Variants in BBS9 observed in about 807,000 individuals in gnomAD.
The protein encoded by BBS9 is Bardet-Biedl syndrome 9, also known as protein PTHB1.
A neutral mutation model predicts 117.7 loss-of-function variants in BBS9; 89 were observed. The observed-to-expected ratio is 0.76, with a 90% CI of 0.64 to 0.90. BBS9 has a LOEUF of 0.90. Ranked by LOEUF, BBS9 falls within the 40% of genes least tolerant of loss-of-function variation. The pLI is 0.00. For synonymous variants in BBS9, 379 were observed against 370.9 expected (o/e 1.02, Z -0.25); for missense variants, 982 against 1,042.2 (o/e 0.94, Z 0.80).
intron 1 of BBS9, among the ~76,000 whole-genome samples, chr7:33,133,949 A>G (rs536469778): frequency 6.6e-6 from 1 of 152,184 alleles, no homozygotes; most frequent in Non-Finnish European, 1.5e-5. Context: ...ATTTCTTTAC[A>G]TCCTCACCAA....
At chr7:33,466,372 C>A (rs1334140616) in intron 19 of BBS9, among the ~76,000 whole-genome samples, 2 of 147,874 alleles carry the variant, frequency 1.4e-5, no homozygotes, top group African/African-American at 5.0e-5. Context: ...TTAGATTCTG[C>A]ATATATGTGA....
intron 9 of BBS9, among the ~76,000 whole-genome samples, chr7:33,306,350 C>G (rs1333036035): frequency 2.0e-5 from 3 of 151,972 alleles, no homozygotes; most frequent in South Asian, 2.1e-4. Context: ...TGAAGGCCAT[C>G]ATGCTACTGA....
At chr7:33,303,566 T>G (rs925241048) in intron 9 of BBS9, among the ~76,000 whole-genome samples, 3 of 127,228 alleles carry the variant, frequency 2.4e-5, no homozygotes, top group Non-Finnish European at 4.8e-5. Context: ...TTGCCGAGGC[T>G]GGACTGTACT....
At chr7:33,589,877 C>G (rs1439830387) in intron 21 of BBS9, among the ~76,000 whole-genome samples, 1 of 151,796 alleles carries the variant, frequency 6.6e-6, no homozygotes, top group East Asian at 1.9e-4. Context: ...ATAAAGTCAC[C>G]AAGGGAGTAA....
At chr7:33,177,830 C>T (rs1797552603) in intron 5 of BBS9, 1 of 445,648 alleles carries the variant, frequency 2.2e-6, no homozygotes, top group Non-Finnish European at 4.0e-6. Flanking sequence ...GGATAGGAGA[C>T]CAAATACCCA....
intron 5 of BBS9, among the ~76,000 whole-genome samples, chr7:33,228,174 T>C (rs1562836645): frequency 6.6e-6 from 1 of 152,106 alleles, no homozygotes; most frequent in Non-Finnish European, 1.5e-5. Flanking sequence ...GTCATTCTTG[T>C]AGAAATAAGG....
intron 21 of BBS9, among the ~76,000 whole-genome samples, chr7:33,557,751 G>A (rs1298885290): frequency 6.6e-6 from 1 of 152,220 alleles, no homozygotes; most frequent in Non-Finnish European, 1.5e-5. Flanking sequence ...CTTTTCCAAC[G>A]ATCCTGCAGT....
intron 21 of BBS9, among the ~76,000 whole-genome samples, chr7:33,543,618 C>T (rs1003169209): frequency 2.0e-5 from 3 of 152,178 alleles, no homozygotes; most frequent in Non-Finnish European, 2.9e-5. Context: ...GTTTCTGTCT[C>T]ATGGCTCTTA....
intron 19 of BBS9, among the ~76,000 whole-genome samples, chr7:33,442,274 T>A (rs755716175): frequency 6.6e-6 from 1 of 152,202 alleles, no homozygotes; most frequent in Admixed American, 6.5e-5. Context: ...ACGCCCTTGA[T>A]ACTAATTATC....
intron 19 of BBS9, among the ~76,000 whole-genome samples, chr7:33,452,345 A>G (rs538067265): frequency 1.1e-4 from 17 of 152,294 alleles, no homozygotes; most frequent in South Asian, 2.1e-4. Context: ...TCCTTCCACA[A>G]TGACACTCTC....
chr7:33,543,614 G>A (rs1563333978), intron 21 of BBS9, among the ~76,000 whole-genome samples: 1 of 152,188 alleles, frequency 6.6e-6, no homozygotes, highest in African/African-American at 2.4e-5. Context: ...TGGTGTTTCT[G>A]TCTCATGGCT....
chr7:33,631,656 G>A (rs1283420361), intron 21 of BBS9, among the ~76,000 whole-genome samples: 2 of 152,208 alleles, frequency 1.3e-5, no homozygotes, highest in East Asian at 3.9e-4. Flanking sequence ...CAGTAGCAGT[G>A]CAGGGGCCCC....
chr7:33,294,337 CTATCTATCTATCTA>C (rs1804786402), intron 9 of BBS9, among the ~76,000 whole-genome samples: 2 of 130,410 alleles, frequency 1.5e-5, no homozygotes, highest in African/African-American at 5.7e-5. Flanking sequence ...ATCTATCTAT[CTATCTATCTATCTA>C]TCTCTTTGTC....
chr7:33,218,556 A>G (rs1789511891), intron 5 of BBS9, among the ~76,000 whole-genome samples: 1 of 152,234 alleles, frequency 6.6e-6, no homozygotes, highest in Non-Finnish European at 1.5e-5. Flanking sequence ...ATTGGGAGAT[A>G]GGCGAGTATT....
chr7:33,586,068 C>G (rs576201284), intron 21 of BBS9, among the ~76,000 whole-genome samples: 1 of 152,098 alleles, frequency 6.6e-6, no homozygotes, highest in Non-Finnish European at 1.5e-5. Context: ...AAGATACTTT[C>G]ATTTCTCAAA....
intron 7 of BBS9, among the ~76,000 whole-genome samples, chr7:33,265,599 C>T (rs1798673929): frequency 1.3e-5 from 2 of 152,142 alleles, no homozygotes; most frequent in African/African-American, 4.8e-5. Flanking sequence ...AATCCCAGCA[C>T]TTTGGCAGGC....
chr7:33,251,939 C>T (rs528178594), intron 5 of BBS9, among the ~76,000 whole-genome samples: 5 of 152,106 alleles, frequency 3.3e-5, no homozygotes, highest in South Asian at 2.1e-4. Context: ...AGGCTGTTCT[C>T]GCATTGCTAT....
At position 33,273,077 on chromosome 7, in the gene BBS9, G is replaced by A. The variant is rs1407517506; in HGVS notation, c.768G>A (p.Ser256=). The part of the protein sequence containing the change: ...LDICIVSFNQ[S]ASSVFVLGER... ...TATGTATTGTCTCTTTCAATCAGTC[G>A]GCATCCTCTGTTTTTGTTCTTGGTG... The change falls in exon 8 of 23, where the codon TCG becomes TCA. Residue 256 remains serine, a synonymous_variant. Transcript: ENST00000242067. 9 of 1,613,608 alleles carry A rather than the reference G, an allele frequency of 5.6e-6. No homozygotes were observed. The highest frequency in any genetic ancestry group is 2.2e-5 in the East Asian group (1 of 44,812).
At chr7:33,578,590 A>T (rs1264114914) in intron 21 of BBS9, among the ~76,000 whole-genome samples, 1 of 152,220 alleles carries the variant, frequency 6.6e-6, no homozygotes, top group African/African-American at 2.4e-5. Context: ...TCTGAAAGAT[A>T]AACCAGAAGT....
Sources: gnomAD v4.1 joint callset for allele counts (sites outside exome capture counted in the v4.1 genomes callset) on GRCh38, gnomAD v4.1.1 for gene constraint, MANE v1.5 for transcripts, NCBI Gene and HGNC (gene_info 2026-07-23, HGNC 2026-07-21) for gene names.